Variants in SOX5 observed in about 807,000 individuals in gnomAD.
SOX5 encodes the protein transcription factor SOX-5.
A neutral mutation model predicts 92.0 loss-of-function variants in SOX5; 9 were observed. The observed-to-expected ratio is 0.10, with a 90% CI of 0.06 to 0.17. SOX5 has a LOEUF of 0.17. Among genes scored for constraint, SOX5 ranks in the 10% least tolerant of loss-of-function variants. SOX5 has a pLI of 1.00. For synonymous variants in SOX5, 344 were observed against 336.3 expected (o/e 1.02, Z -0.25); for missense variants, 642 against 944.5 (o/e 0.68, Z 4.20).
chr12:23,584,948 T>C (rs1003256218), intron 9 of SOX5, among the ~76,000 whole-genome samples: 3 of 152,124 alleles, frequency 2.0e-5, no homozygotes, highest in African/African-American at 7.2e-5. Context: ...ATTTTTAAAG[T>C]GATCTGAGTA....
chr12:23,601,400 T>C (rs909934150), intron 9 of SOX5, among the ~76,000 whole-genome samples: 3 of 152,212 alleles, frequency 2.0e-5, no homozygotes, highest in Non-Finnish European at 4.4e-5. Flanking sequence ...CATCATCACC[T>C]GGTTGTGACT....
At chr12:23,786,269 T>C (rs541207229) in intron 3 of SOX5, among the ~76,000 whole-genome samples, 2 of 152,122 alleles carry the variant, frequency 1.3e-5, no homozygotes, top group African/African-American at 4.8e-5. Context: ...ACAAATTTTA[T>C]ATTCTTGGTA....
intron 1 of SOX5, among the ~76,000 whole-genome samples, chr12:24,523,087 A>T (rs1042737902): frequency 3.3e-5 from 5 of 152,162 alleles, no homozygotes; most frequent in Admixed American, 2.0e-4. Context: ...AAATCAACAT[A>T]CAAAAATTGG....
chr12:24,185,917 G>A (rs867577752), intron 4 of SOX5, among the ~76,000 whole-genome samples: 1 of 152,094 alleles, frequency 6.6e-6, no homozygotes, highest in Non-Finnish European at 1.5e-5. Context: ...GAAATTATAG[G>A]AGATGAACTC....
At chr12:24,034,748 C>T (rs569370120) in intron 4 of SOX5, among the ~76,000 whole-genome samples, 1 of 152,028 alleles carries the variant, frequency 6.6e-6, no homozygotes, top group African/African-American at 2.4e-5. Context: ...TTATACTTAC[C>T]TAACAATTTT....
chr12:24,542,101 G>T (rs1952183125), intron 1 of SOX5, among the ~76,000 whole-genome samples: 1 of 151,998 alleles, frequency 6.6e-6, no homozygotes, highest in Non-Finnish European at 1.5e-5. Flanking sequence ...AAACCCAAAG[G>T]CTTAAGAGGA....
At chr12:23,738,084 T>C (rs565588854) in intron 5 of SOX5, among the ~76,000 whole-genome samples, 37 of 152,186 alleles carry the variant, frequency 2.4e-4, no homozygotes, top group Non-Finnish European at 4.9e-4. Context: ...TCCCACTAAC[T>C]AGAACAAAAC....
At chr12:23,581,829 C>T (rs925902547) in intron 9 of SOX5, among the ~76,000 whole-genome samples, 3 of 151,728 alleles carry the variant, frequency 2.0e-5, no homozygotes, top group Non-Finnish European at 2.9e-5. Flanking sequence ...TGTCTTTATA[C>T]TCAATATAAT....
At chr12:24,266,910 T>C (rs1943095455) in intron 3 of SOX5, among the ~76,000 whole-genome samples, 1 of 152,240 alleles carries the variant, frequency 6.6e-6, no homozygotes, top group Admixed American at 6.5e-5. Context: ...TTAAAAGGAC[T>C]TTCAACCCTC....
At chr12:23,568,891 C>CAAAAA (rs11398102) in intron 10 of SOX5, among the ~76,000 whole-genome samples, 1 of 145,422 alleles carries the variant, frequency 6.9e-6, no homozygotes. Flanking sequence ...AAGAATATCT[C>CAAAAA]AAAAAAAAAA....
intron 4 of SOX5, among the ~76,000 whole-genome samples, chr12:24,085,626 AACT>A (rs1943894998): frequency 6.6e-6 from 1 of 152,118 alleles, no homozygotes; most frequent in African/African-American, 2.4e-5. Flanking sequence ...ACACCTTAGA[AACT>A]ACTATTTTCT....
chr12:24,019,575 C>T (rs867352732), intron 4 of SOX5, among the ~76,000 whole-genome samples: 8 of 152,212 alleles, frequency 5.3e-5, no homozygotes, highest in Admixed American at 3.9e-4. Flanking sequence ...GTTTATTTCA[C>T]ACTGCATCTT....
intron 13 of SOX5, among the ~76,000 whole-genome samples, chr12:23,537,823 T>C (rs1940909045): frequency 6.6e-6 from 1 of 152,210 alleles, no homozygotes; most frequent in Non-Finnish European, 1.5e-5. Context: ...ACTTCAAGAA[T>C]GAAGCTGCGG....
intron 3 of SOX5, among the ~76,000 whole-genome samples, chr12:23,782,892 G>C (rs2095309827): frequency 6.6e-6 from 1 of 152,016 alleles, no homozygotes; most frequent in Non-Finnish European, 1.5e-5. Context: ...GTGTGCGGTG[G>C]TAAAATCAGA....
At chr12:24,136,276 C>A (rs183150163) in intron 4 of SOX5, among the ~76,000 whole-genome samples, 1 of 152,188 alleles carries the variant, frequency 6.6e-6, no homozygotes. Context: ...AGGGGAGACA[C>A]GCAGTGGAGT....
At chr12:24,355,754 A>G (rs970313925) in intron 2 of SOX5, among the ~76,000 whole-genome samples, 5 of 152,258 alleles carry the variant, frequency 3.3e-5, no homozygotes, top group African/African-American at 1.2e-4. Context: ...AGGGTTTGAC[A>G]CAGAGGTGAA....
chr12:24,046,875 T>C (rs1163484370), intron 4 of SOX5, among the ~76,000 whole-genome samples: 3 of 151,276 alleles, frequency 2.0e-5, no homozygotes, highest in African/African-American at 7.3e-5. Flanking sequence ...TTAATAGAGA[T>C]AGGGTATCAC....
At chr12:23,702,314 A>G (rs2090764995) in intron 6 of SOX5, among the ~76,000 whole-genome samples, 1 of 152,070 alleles carries the variant, frequency 6.6e-6, no homozygotes, top group Non-Finnish European at 1.5e-5. Context: ...GTTTATGCCT[A>G]AGTATATATT....
At chr12:24,485,023 G>A (rs368476363) in intron 1 of SOX5, among the ~76,000 whole-genome samples, 1 of 152,142 alleles carries the variant, frequency 6.6e-6, no homozygotes, top group East Asian at 1.9e-4. Flanking sequence ...ATTTAAGGGA[G>A]GATTTACAAG....
Sources: allele counts gnomAD v4.1 joint callset (sites outside exome capture counted in the v4.1 genomes callset), GRCh38; gene constraint gnomAD v4.1.1; transcripts MANE v1.5; gene names NCBI Gene and HGNC (gene_info 2026-07-23, HGNC 2026-07-21).